Variants in RSF1 observed in about 807,000 individuals in gnomAD.
RSF1 encodes HBV pX-associated protein 8.
RSF1 carries 13 observed loss-of-function variants against 145.2 expected under a neutral mutation model. The observed-to-expected ratio is 0.09, with a 90% CI of 0.06 to 0.14. The LOEUF (loss-of-function observed/expected upper bound fraction) is 0.14, where lower values mean the gene tolerates loss of function less well. Among genes scored for constraint, RSF1 ranks in the 10% least tolerant of loss-of-function variants. The pLI is 1.00. For missense variants in RSF1, 1,517 were observed against 1,718.2 expected (o/e 0.88, Z 2.07); for synonymous variants, 577 against 592.6 (o/e 0.97, Z 0.38).
intron 9 of RSF1, among the ~76,000 whole-genome samples, chr11:77,688,894 T>TA (rs1401506846): frequency 2.0e-5 from 3 of 152,052 alleles, no homozygotes; most frequent in Non-Finnish European, 2.9e-5. Flanking sequence ...AACTGGGTAG[T>TA]AAAAAAAACA....
chr11:77,764,249 C>T (rs1476792613), intron 2 of RSF1: 3 of 202,378 alleles, frequency 1.5e-5, no homozygotes, highest in Non-Finnish European at 1.9e-5. Flanking sequence ...TCTATGCATA[C>T]TATGTGAACT....
intron 15 of RSF1, among the ~76,000 whole-genome samples, chr11:77,671,144 T>A (rs1478625401): frequency 0.012 from 218 of 18,520 alleles, 4 homozygotes; most frequent in African/African-American, 0.018. Context: ...AAAAAATATA[T>A]ATATATATAT....
At chr11:77,843,377 G>T in the RSF1 span, among the ~76,000 whole-genome samples, 1 of 152,158 alleles carries the variant, frequency 6.6e-6, no homozygotes, top group Non-Finnish European at 1.5e-5. Context: ...ACTCACCTGG[G>T]ATGTAGCCTC....
At chr11:77,744,014 A>G (rs529174942) in intron 3 of RSF1, among the ~76,000 whole-genome samples, 1 of 152,216 alleles carries the variant, frequency 6.6e-6, no homozygotes, top group East Asian at 1.9e-4. Flanking sequence ...GAGCATCACA[A>G]CTTTATTTAG....
chr11:77,841,072 C>G, the RSF1 span: 1 of 634,252 alleles, frequency 1.6e-6, no homozygotes, highest in South Asian at 1.8e-5. Flanking sequence ...TGAGAGCCTT[C>G]TTGCTGCATC....
Position 77,667,296 on chromosome 11 carries a change from C to A in RSF1, c.3947G>T (p.Gly1316Val). 6.2e-7 allele frequency: 1 copy of A among 1,614,202 alleles called. No individual in the cohort carries two copies. The highest frequency in any genetic ancestry group is 8.5e-7 in the Non-Finnish European group (1 of 1,180,038). Reference sequence around the variant, plus strand: ...GTCACGGGCAGGCTGATTTGCATCTCCATGAGCATTGTCACAACTCTCCTC... The same window carrying A: ...GTCACGGGCAGGCTGATTTGCATCTACATGAGCATTGTCACAACTCTCCTC... Reference protein sequence around the residue: ...DEEESCDNAHGDANQPARDSQ... With the variant: ...DEEESCDNAHVDANQPARDSQ... The change falls in exon 16 of 16, where the codon GGA becomes GTA. Residue 1316 changes from glycine to valine, a missense_variant. Gly to Val is a moderately radical substitution (Grantham distance 109). Around this residue, in one of 12 missense-constraint regions of RSF1, gnomAD observed 240 missense variants for 231.8 expected, o/e 1.04. Coordinates refer to ENST00000308488, the MANE Select transcript of RSF1 (RefSeq NM_016578.4).
intron 1 of RSF1, among the ~76,000 whole-genome samples, 156 bp downstream of exon 1, chr11:77,820,372 G>A (rs1418423204): frequency 1.3e-5 from 2 of 152,240 alleles, no homozygotes; most frequent in Non-Finnish European, 2.9e-5. Flanking sequence ...AGACCCCGGG[G>A]GCTGGGCGGA....
chr11:77,857,731 C>G, the RSF1 span, among the ~76,000 whole-genome samples: 2 of 149,600 alleles, frequency 1.3e-5, no homozygotes, highest in African/African-American at 4.9e-5. Flanking sequence ...GAGTCTCGCT[C>G]TGTCACCCAG....
At chr11:77,668,465 A>G (rs990474031) in intron 15 of RSF1, among the ~76,000 whole-genome samples, 1 of 152,212 alleles carries the variant, frequency 6.6e-6, no homozygotes, top group African/African-American at 2.4e-5. Context: ...TGTACCTCTT[A>G]AACACTGTGC....
At chr11:77,711,143 T>TAAA (rs60863404) in intron 5 of RSF1, among the ~76,000 whole-genome samples, 2,539 of 134,466 alleles carry the variant, frequency 0.019, 68 homozygotes, top group African/African-American at 0.064. Flanking sequence ...ATTTTTAACT[T>TAAA]AAAAAAAAAA....
intron 1 of RSF1, among the ~76,000 whole-genome samples, chr11:77,780,878 A>C (rs183805496): frequency 1.3e-4 from 20 of 150,194 alleles, no homozygotes; most frequent in East Asian, 1.2e-3. Context: ...CCCATGCTCC[A>C]CTTTGCAGTC....
At chr11:77,822,298 G>T (rs1448932468), upstream of RSF1, among the ~76,000 whole-genome samples, 2 of 151,620 alleles carry the variant, frequency 1.3e-5, no homozygotes, top group African/African-American at 2.4e-5. Context: ...AAAATTAGCC[G>T]GGAATCCTTG....
At chr11:77,752,453 G>C (rs1948073130) in intron 2 of RSF1, among the ~76,000 whole-genome samples, 1 of 152,118 alleles carries the variant, frequency 6.6e-6, no homozygotes. Context: ...ATTCTTAACT[G>C]TTTTTTCACG....
the RSF1 span, among the ~76,000 whole-genome samples, chr11:77,838,896 G>C: frequency 6.6e-5 from 10 of 152,098 alleles, no homozygotes; most frequent in Admixed American, 3.9e-4. Flanking sequence ...GATTACAGGC[G>C]TGAGCCACCG....
intron 1 of RSF1, among the ~76,000 whole-genome samples, chr11:77,809,326 AT>A (rs1231894017): frequency 6.6e-6 from 1 of 152,222 alleles, no homozygotes. Context: ...CATTTAACCT[AT>A]AAAATTATGG....
chr11:77,710,780 C>G (rs1040227858), intron 5 of RSF1, among the ~76,000 whole-genome samples: 2 of 152,168 alleles, frequency 1.3e-5, no homozygotes, highest in African/African-American at 4.8e-5. Context: ...AGTTGGAATA[C>G]TTTTATAAAA....
the RSF1 span, among the ~76,000 whole-genome samples, chr11:77,828,441 A>T: frequency 6.6e-6 from 1 of 152,048 alleles, no homozygotes; most frequent in East Asian, 1.9e-4. Context: ...GCCGAGGCAG[A>T]TGGATCACAA....
At chr11:77,867,555 T>C in the RSF1 span, among the ~76,000 whole-genome samples, 1 of 152,228 alleles carries the variant, frequency 6.6e-6, no homozygotes, top group Non-Finnish European at 1.5e-5. Flanking sequence ...AGTTAAGTTC[T>C]CAGTAAATGC....
At chr11:77,807,884 T>C (rs2135984381) in intron 1 of RSF1, among the ~76,000 whole-genome samples, 1 of 152,210 alleles carries the variant, frequency 6.6e-6, no homozygotes, top group Admixed American at 6.5e-5. Context: ...TTAATTAGGG[T>C]AAATGGAAGT....
Sources: allele counts gnomAD v4.1 joint callset (sites outside exome capture counted in the v4.1 genomes callset), GRCh38; gene constraint gnomAD v4.1.1; regional missense constraint gnomAD v4.1.1; transcripts MANE v1.5; gene names NCBI Gene and HGNC (gene_info 2026-07-23, HGNC 2026-07-21).